Variants in DPP10 observed in about 807,000 individuals in gnomAD.
The protein encoded by DPP10 is inactive dipeptidyl peptidase 10.
DPP10 carries 33 observed loss-of-function variants against 120.9 expected under a neutral mutation model. That is an observed-to-expected ratio of 0.27 (90% CI 0.21 to 0.37). The LOEUF is 0.37. DPP10 is among the 10% of genes least tolerant of loss of function. The pLI is 1.00. For synonymous variants in DPP10, 337 were observed against 326.1 expected (o/e 1.03, Z -0.36); for missense variants, 816 against 942.8 (o/e 0.87, Z 1.76).
intron 1 of DPP10, among the ~76,000 whole-genome samples, chr2:115,065,274 C>T (rs1374104654): frequency 1.3e-5 from 2 of 152,042 alleles, no homozygotes; most frequent in African/African-American, 4.8e-5. Flanking sequence ...CTTTTTTCAA[C>T]TAAAAATTGA....
chr2:114,603,311 A>G (rs1214496152), intron 1 of DPP10, among the ~76,000 whole-genome samples: 1 of 152,104 alleles, frequency 6.6e-6, no homozygotes, highest in Admixed American at 6.6e-5. Context: ...GAATGATATG[A>G]TATAATGAAA....
intron 1 of DPP10, among the ~76,000 whole-genome samples, chr2:114,521,908 C>G (rs34695786): frequency 6.9e-6 from 1 of 145,718 alleles, no homozygotes; most frequent in African/African-American, 2.5e-5. Flanking sequence ...CCCGGGTTCA[C>G]GCCATTCTCC....
At chr2:115,106,134 T>C (rs187139993) in intron 1 of DPP10, among the ~76,000 whole-genome samples, 2 of 152,350 alleles carry the variant, frequency 1.3e-5, no homozygotes, top group Admixed American at 6.5e-5. Flanking sequence ...TGCAAATTAC[T>C]TTATCATCCT....
chr2:114,711,005 C>T (rs953558646), intron 1 of DPP10, among the ~76,000 whole-genome samples: 1 of 151,992 alleles, frequency 6.6e-6, no homozygotes, highest in African/African-American at 2.4e-5. Flanking sequence ...ATGGAGAAAA[C>T]AAAAGCTGAA....
chr2:114,532,377 A>C (rs13013838), intron 1 of DPP10, among the ~76,000 whole-genome samples: 17 of 150,326 alleles, frequency 1.1e-4, no homozygotes, highest in Non-Finnish European at 2.4e-4. Context: ...GTATATATAC[A>C]CACATATTCT....
rs72071460 is a variant in DPP10, at chr2:115,233,212, AGTGT to A, written c.61-76002_61-75999del. 2.4e-3 allele frequency among the ~76,000 whole-genome samples: 357 copies of A among 148,326 alleles called. 2 individuals are homozygous for A. Among genetic ancestry groups the A allele is most frequent in the East Asian group, 0.012 (58 of 4,992 alleles). ...GTTTTGCAATTGTGTAGGTATATTG[AGTGT>A]GTGTGTGTGTGTGTGTGTGTGTGTT... is the stretch of plus-strand genomic sequence containing the variant. On this transcript the variant is annotated intron_variant, in intron 1 of 25. Coordinates refer to ENST00000410059, the MANE Select transcript of DPP10 (RefSeq NM_020868.6).
At chr2:115,060,057 C>G (rs1427262598) in intron 1 of DPP10, among the ~76,000 whole-genome samples, 5 of 152,056 alleles carry the variant, frequency 3.3e-5, no homozygotes, top group Non-Finnish European at 7.4e-5. Context: ...AAAGCTCCCT[C>G]TCTCACTATT....
chr2:114,545,741 G>A (rs947699663), intron 1 of DPP10, among the ~76,000 whole-genome samples: 3 of 152,140 alleles, frequency 2.0e-5, no homozygotes, highest in Non-Finnish European at 4.4e-5. Flanking sequence ...ATTCAACACA[G>A]GTTAAGCACT....
intron 5 of DPP10, among the ~76,000 whole-genome samples, chr2:115,682,482 T>C (rs2090728108): frequency 6.6e-6 from 1 of 151,930 alleles, no homozygotes; most frequent in Non-Finnish European, 1.5e-5. Flanking sequence ...GCAGGAACTC[T>C]AAGAGCAATT....
chr2:115,319,301 T>C (rs2061947034), intron 2 of DPP10, among the ~76,000 whole-genome samples: 1 of 152,148 alleles, frequency 6.6e-6, no homozygotes, highest in African/African-American at 2.4e-5. Context: ...TTTTCTAATA[T>C]ACCTGAAGGA....
At chr2:115,675,573 C>T (rs567678041) in intron 5 of DPP10, among the ~76,000 whole-genome samples, 2 of 152,244 alleles carry the variant, frequency 1.3e-5, no homozygotes, top group Admixed American at 1.3e-4. Flanking sequence ...CCAAGATTGG[C>T]TCAGAGCCAA....
chr2:115,647,958 A>G (rs751005728), intron 5 of DPP10, among the ~76,000 whole-genome samples: 5 of 152,182 alleles, frequency 3.3e-5, no homozygotes, highest in Admixed American at 1.3e-4. Flanking sequence ...CATTCAAACC[A>G]TAGAAGGATG....
chr2:114,724,254 T>C (rs548501859), intron 1 of DPP10, among the ~76,000 whole-genome samples: 4 of 152,232 alleles, frequency 2.6e-5, no homozygotes, highest in African/African-American at 7.2e-5. Flanking sequence ...GATTAACTGA[T>C]GCCAAGTAGC....
intron 5 of DPP10, among the ~76,000 whole-genome samples, chr2:115,544,537 G>T (rs1385525022): frequency 1.3e-5 from 2 of 151,958 alleles, no homozygotes; most frequent in African/African-American, 4.8e-5. Flanking sequence ...TTTTGTATTT[G>T]TCCCTGAGTT....
At chr2:114,976,139 A>G (rs1160056289) in intron 1 of DPP10, among the ~76,000 whole-genome samples, 1 of 152,238 alleles carries the variant, frequency 6.6e-6, no homozygotes, top group African/African-American at 2.4e-5. Context: ...ATTAAAAATC[A>G]TTAAAATGTT....
At chr2:115,739,487 G>C (rs1676988888) in intron 8 of DPP10, among the ~76,000 whole-genome samples, 1 of 152,008 alleles carries the variant, frequency 6.6e-6, no homozygotes, top group Admixed American at 6.6e-5. Flanking sequence ...GCTTTCATCT[G>C]TTCTGTCTAC....
chr2:115,060,901 G>A (rs1376674956), intron 1 of DPP10, among the ~76,000 whole-genome samples: 4 of 152,068 alleles, frequency 2.6e-5, no homozygotes, highest in South Asian at 2.1e-4. Context: ...TGCTCACCTC[G>A]CTTGCAAGAA....
chr2:115,512,352 G>A lies in DPP10; in HGVS notation c.366+12748G>A, dbSNP rs1664095205. On this transcript the variant is annotated intron_variant, in intron 4 of 25. Coordinates refer to ENST00000410059, the MANE Select transcript of DPP10 (RefSeq NM_020868.6). ...TTACCCCAAGCAATCCTCCCACCTA[G>A]GCCTCCCAAAGGGAGGATTACAGAC... 2.6e-5 allele frequency among the ~76,000 whole-genome samples: 4 copies of A among 152,080 alleles called. No homozygotes were observed. The South Asian group carries it at 6.2e-4, about 24-fold the overall frequency.
At chr2:115,531,924 T>C (rs955691215) in intron 5 of DPP10, among the ~76,000 whole-genome samples, 1 of 152,118 alleles carries the variant, frequency 6.6e-6, no homozygotes, top group Non-Finnish European at 1.5e-5. Flanking sequence ...CAATAATTAG[T>C]TCATAAAATA....
Sources: gnomAD v4.1 joint callset for allele counts (sites outside exome capture counted in the v4.1 genomes callset) on GRCh38, gnomAD v4.1.1 for gene constraint, MANE v1.5 for transcripts, NCBI Gene and HGNC (gene_info 2026-07-23, HGNC 2026-07-21) for gene names.